NALF1: variants seen among roughly 807,000 people sequenced by gnomAD.
The protein encoded by NALF1 is family with sequence similarity 155 member A.
Under a neutral mutation model 48.4 loss-of-function variants are expected in NALF1, and 3 were observed. That is an observed-to-expected ratio of 0.06 (90% confidence interval 0.03 to 0.16). The LOEUF (loss-of-function observed/expected upper bound fraction) is 0.16, where lower values mean the gene tolerates loss of function less well. Ranked by LOEUF, NALF1 falls within the 10% of genes least tolerant of loss-of-function variation. NALF1 has a pLI of 1.00. For missense variants in NALF1, 526 were observed against 571.5 expected (o/e 0.92, Z 0.81); for synonymous variants, 262 against 245.7 (o/e 1.07, Z -0.62).
At chr13:107,691,532 A>C (rs919868626) in intron 1 of NALF1, among the ~76,000 whole-genome samples, 3 of 152,198 alleles carry the variant, frequency 2.0e-5, no homozygotes, top group African/African-American at 7.2e-5. Flanking sequence ...CATGCACAGA[A>C]ATCAGTTTTT....
intron 1 of NALF1, among the ~76,000 whole-genome samples, chr13:107,817,517 C>A (rs1433389832): frequency 6.6e-6 from 1 of 152,132 alleles, no homozygotes; most frequent in Admixed American, 6.6e-5. Context: ...GGATTTTAAG[C>A]CCTGTAAATA....
At chr13:107,222,405 A>G (rs1301753917) in intron 1 of NALF1, among the ~76,000 whole-genome samples, 1 of 152,184 alleles carries the variant, frequency 6.6e-6, no homozygotes, top group Non-Finnish European at 1.5e-5. Flanking sequence ...ATAAATATTC[A>G]TTTATATACA....
At chr13:107,656,934 C>T (rs1476922010) in intron 1 of NALF1, among the ~76,000 whole-genome samples, 2 of 151,690 alleles carry the variant, frequency 1.3e-5, no homozygotes, top group Non-Finnish European at 2.9e-5. Flanking sequence ...TTTTCTCACT[C>T]ATATGTGGGA....
intron 1 of NALF1, among the ~76,000 whole-genome samples, chr13:107,816,132 G>GT (rs1879156488): frequency 6.6e-6 from 1 of 152,036 alleles, no homozygotes; most frequent in Non-Finnish European, 1.5e-5. Flanking sequence ...GAGCAAACCT[G>GT]TAAACTAACT....
intron 1 of NALF1, among the ~76,000 whole-genome samples, chr13:107,667,659 C>T (rs1189790172): frequency 6.6e-6 from 1 of 152,004 alleles, no homozygotes; most frequent in Non-Finnish European, 1.5e-5. Flanking sequence ...AGTTTAAAGT[C>T]ACATTTTAAA....
intron 1 of NALF1, among the ~76,000 whole-genome samples, chr13:107,782,578 G>A (rs1342109663): frequency 6.6e-6 from 1 of 151,602 alleles, no homozygotes; most frequent in Non-Finnish European, 1.5e-5. Flanking sequence ...GAGCGTCTCT[G>A]CCCGGCTGCC....
At chr13:107,190,861 A>C (rs1267043291) in intron 2 of NALF1, among the ~76,000 whole-genome samples, 2 of 152,228 alleles carry the variant, frequency 1.3e-5, no homozygotes, top group South Asian at 2.1e-4. Context: ...GGAAACAGGG[A>C]CATCTCTGAG....
chr13:107,322,406 GTGA>G (rs1300467525), intron 1 of NALF1, among the ~76,000 whole-genome samples: 1 of 152,068 alleles, frequency 6.6e-6, no homozygotes, highest in Non-Finnish European at 1.5e-5. Context: ...TTAGATTCTC[GTGA>G]TGACTTATTA....
chr13:107,786,437 A>AAG (rs1163771731), intron 1 of NALF1, among the ~76,000 whole-genome samples: 5 of 147,760 alleles, frequency 3.4e-5, no homozygotes, highest in African/African-American at 1.2e-4. Context: ...AAAAAAAAAA[A>AAG]AAAAAGCCGG....
chr13:107,865,539 G>A (rs899713068), intron 1 of NALF1, 143 bp downstream of exon 1: 30 of 1,137,602 alleles, frequency 2.6e-5, no homozygotes, highest in Middle Eastern at 6.0e-4. Context: ...ATCTCAAACA[G>A]CAAGCCAAGC....
intron 1 of NALF1, among the ~76,000 whole-genome samples, chr13:107,628,947 C>T (rs1281098447): frequency 6.6e-6 from 1 of 152,078 alleles, no homozygotes; most frequent in Non-Finnish European, 1.5e-5. Flanking sequence ...TAGGGAATGC[C>T]TTTTTGTATG....
chr13:107,615,265 T>C (rs1401066472), intron 1 of NALF1, among the ~76,000 whole-genome samples: 1 of 152,204 alleles, frequency 6.6e-6, no homozygotes, highest in Non-Finnish European at 1.5e-5. Flanking sequence ...CTCTATAATG[T>C]CACAGTCCTT....
intron 1 of NALF1, among the ~76,000 whole-genome samples, chr13:107,381,574 A>C (rs1883441079): frequency 6.8e-6 from 1 of 148,050 alleles, no homozygotes; most frequent in Non-Finnish European, 1.5e-5. Context: ...CACCCCACCC[A>C]CTCCCACTCT....
chr13:107,164,742 A>T lies in NALF1; in HGVS notation c.*5755T>A, dbSNP rs771966595. On this transcript the variant is annotated 3_prime_UTR_variant, in exon 3 of 3. Coordinates refer to ENST00000375915, the MANE Select transcript of NALF1 (RefSeq NM_001080396.3). Reference sequence around the variant, plus strand: ...ATATATGTTAAGACTTTCAAACTGTATTGAAAATCTATTGATGGTCAGTCT... The same window carrying T: ...ATATATGTTAAGACTTTCAAACTGTTTTGAAAATCTATTGATGGTCAGTCT... The T allele has an allele frequency of 2.6e-5, 4 of 152,138 alleles. No individual in the cohort carries two copies. Among genetic ancestry groups the T allele is most frequent in the Non-Finnish European group, 5.9e-5 (4 of 68,024 alleles). The allele number at this position is 152,138 out of a possible 1,614,324, so 9.4% of individuals were successfully genotyped here. A position where few individuals can be genotyped will look rare whatever the true frequency, so the allele number is the denominator to read the frequency against.
At chr13:107,812,494 T>C (rs1386274224) in intron 1 of NALF1, among the ~76,000 whole-genome samples, 1 of 152,098 alleles carries the variant, frequency 6.6e-6, no homozygotes, top group Non-Finnish European at 1.5e-5. Context: ...TTTTTAGTCA[T>C]GTCAATGAAA....
At chr13:107,841,658 A>G (rs1434730231) in intron 1 of NALF1, among the ~76,000 whole-genome samples, 1 of 151,820 alleles carries the variant, frequency 6.6e-6, no homozygotes, top group Non-Finnish European at 1.5e-5. Flanking sequence ...AAAACATAAG[A>G]AGTTTTCAAT....
At chr13:107,675,087 G>A (rs989379409) in intron 1 of NALF1, among the ~76,000 whole-genome samples, 1 of 152,192 alleles carries the variant, frequency 6.6e-6, no homozygotes, top group Non-Finnish European at 1.5e-5. Context: ...CCAAGGAATT[G>A]GGGCTGGAGA....
chr13:107,774,307 A>C (rs1186830460), intron 1 of NALF1, among the ~76,000 whole-genome samples: 1 of 152,248 alleles, frequency 6.6e-6, no homozygotes, highest in African/African-American at 2.4e-5. Flanking sequence ...AGCTCTAAAC[A>C]GATTCAAGAA....
Position 107,640,419 on chromosome 13 carries a change from G to T in NALF1, c.915+225263C>A, listed in dbSNP as rs112235312. 4.4e-3 allele frequency among the ~76,000 whole-genome samples: 669 copies of T among 152,146 alleles called. 5 individuals are homozygous for T. The highest frequency in any genetic ancestry group is 0.014 in the African/African-American group (600 of 41,544). On this transcript the variant is annotated intron_variant, in intron 1 of 2. Transcript: ENST00000375915. The stretch of plus-strand genomic sequence containing the variant: ...CGTTCCTAAATTTATAAGCTTATTT[G>T]GTTTTATTTTATTTTAACATAACAT...
Sources: allele counts gnomAD v4.1 joint callset (sites outside exome capture counted in the v4.1 genomes callset), GRCh38; gene constraint gnomAD v4.1.1; transcripts MANE v1.5; gene names NCBI Gene and HGNC (gene_info 2026-07-23, HGNC 2026-07-21).